COG5: variants seen among roughly 807,000 people sequenced by gnomAD.
COG5 encodes component of oligomeric golgi complex 5.
COG5 carries 86 observed loss-of-function variants against 110.4 expected under a neutral mutation model. The observed-to-expected ratio is 0.78, with a 90% CI of 0.65 to 0.93. COG5 has a LOEUF of 0.93. COG5 is among the 40% of genes least tolerant of loss of function. The probability of loss-of-function intolerance (pLI) is 0.00; values close to 1 mark genes in which losing one functional copy is unlikely to be tolerated. For synonymous variants in COG5, 360 were observed against 334.6 expected, an observed-to-expected ratio of 1.08 and a Z score of -0.83; for missense variants, 1,077 against 987.0, an observed-to-expected ratio of 1.09 and a Z score of -1.22.
intron 10 of COG5, among the ~76,000 whole-genome samples, chr7:107,330,649 G>A (rs932510671): frequency 6.6e-6 from 1 of 152,068 alleles, no homozygotes; most frequent in East Asian, 1.9e-4. Context: ...AAAAGAGTAT[G>A]GGTTTTGAAG....
At chr7:107,563,580 A>G in intron 1 of COG5, 1 of 535,860 alleles carries the variant, frequency 1.9e-6, no homozygotes, top group Admixed American at 2.9e-5. Flanking sequence ...TGAGGAACAC[A>G]CAGAAACCAA....
intron 10 of COG5, among the ~76,000 whole-genome samples, chr7:107,335,160 T>C (rs1810599371): frequency 6.6e-6 from 1 of 152,178 alleles, no homozygotes; most frequent in African/African-American, 2.4e-5. Context: ...TCATCTAAGT[T>C]GTCATCTCTT....
intron 5 of COG5, among the ~76,000 whole-genome samples, 196 bp from the exon 6 acceptor site, chr7:107,527,553 T>C (rs920220987): frequency 6.6e-6 from 1 of 152,194 alleles, no homozygotes; most frequent in African/African-American, 2.4e-5. Context: ...GTGCTTAATA[T>C]GTGAATCTAC....
chr7:107,392,568 C>T (rs1300254153), intron 7 of COG5, among the ~76,000 whole-genome samples: 1 of 150,904 alleles, frequency 6.6e-6, no homozygotes, highest in Non-Finnish European at 1.5e-5. Flanking sequence ...TAAAATAAAG[C>T]TTAAAAGGAA....
At chr7:107,437,512 G>C (rs1286270915) in intron 6 of COG5, among the ~76,000 whole-genome samples, 7 of 152,132 alleles carry the variant, frequency 4.6e-5, no homozygotes, top group Non-Finnish European at 1.0e-4. Flanking sequence ...TTATCGAATA[G>C]CCACTGTGTG....
chr7:107,339,127 A>T (rs1224013154), intron 10 of COG5, among the ~76,000 whole-genome samples: 1 of 152,170 alleles, frequency 6.6e-6, no homozygotes, highest in East Asian at 1.9e-4. Context: ...TATCTTCAAG[A>T]GACTGATCTC....
intron 10 of COG5, among the ~76,000 whole-genome samples, chr7:107,339,876 A>G (rs986266076): frequency 6.6e-6 from 1 of 152,106 alleles, no homozygotes; most frequent in Non-Finnish European, 1.5e-5. Context: ...TGTTAAGAGG[A>G]AAGTTTTAAG....
intron 14 of COG5, among the ~76,000 whole-genome samples, chr7:107,276,509 A>G (rs1233836897): frequency 2.6e-5 from 4 of 152,140 alleles, no homozygotes; most frequent in African/African-American, 9.7e-5. Context: ...CCATCGCTAC[A>G]AAAAATAAGA....
At chr7:107,224,056 T>C (rs767581851) in intron 19 of COG5, among the ~76,000 whole-genome samples, 6 of 152,248 alleles carry the variant, frequency 3.9e-5, no homozygotes, top group African/African-American at 7.2e-5. Context: ...AAGTCCAAGA[T>C]GGTGGTTGCC....
At chr7:107,443,922 A>T (rs535461556) in intron 6 of COG5, among the ~76,000 whole-genome samples, 1 of 152,198 alleles carries the variant, frequency 6.6e-6, no homozygotes, top group South Asian at 2.1e-4. Flanking sequence ...CAGGGAAAGC[A>T]CTGGACTGAT....
chr7:107,229,447 C>T (rs566303564), intron 19 of COG5, among the ~76,000 whole-genome samples: 27 of 152,118 alleles, frequency 1.8e-4, no homozygotes, highest in Non-Finnish European at 3.2e-4. Flanking sequence ...GACTCCATCT[C>T]AAAAAACAAA....
rs1562955823 is a variant in COG5 at position 107,295,096 on chromosome 7, TA to T, written c.1313+3045del. 4.0e-3 allele frequency among the ~76,000 whole-genome samples: 293 copies of T among 73,076 alleles called. 1 individual carries two copies. The highest frequency in any genetic ancestry group is 5.2e-3 in the Non-Finnish European group (202 of 39,014). 47.9% of individuals were successfully genotyped at this position (73,076 alleles called of 152,430 possible). On this transcript the variant is annotated intron_variant, in intron 12 of 21. Coordinates refer to ENST00000297135, the MANE Select transcript of COG5 (RefSeq NM_006348.5). ...ATATATATATATATATATATATATA[TA>T]TATATTTTTTTTTTTTTTTTGTAGA...
chr7:107,245,242 T>G (rs559684380), intron 17 of COG5, among the ~76,000 whole-genome samples: 1 of 152,116 alleles, frequency 6.6e-6, no homozygotes, highest in African/African-American at 2.4e-5. Context: ...CCATGACAAA[T>G]CCACAGCCAA....
intron 12 of COG5, among the ~76,000 whole-genome samples, chr7:107,287,380 C>T (rs868607643): frequency 1.1e-4 from 16 of 152,140 alleles, no homozygotes; most frequent in African/African-American, 2.9e-4. Flanking sequence ...TCAGGCAAAT[C>T]ATGTGTGACA....
intron 6 of COG5, among the ~76,000 whole-genome samples, chr7:107,514,199 T>C (rs1375573635): frequency 6.6e-6 from 1 of 152,164 alleles, no homozygotes; most frequent in Middle Eastern, 3.4e-3. Flanking sequence ...ATCCAATTGC[T>C]TGATTATACT....
intron 11 of COG5, among the ~76,000 whole-genome samples, chr7:107,305,235 GA>G (rs1438871641): frequency 3.3e-5 from 5 of 152,318 alleles, no homozygotes; most frequent in African/African-American, 9.6e-5. Flanking sequence ...TATTTTAAGA[GA>G]ACTGCCTGTT....
At chr7:107,225,062 A>G (rs1028426031) in intron 19 of COG5, among the ~76,000 whole-genome samples, 5 of 152,198 alleles carry the variant, frequency 3.3e-5, no homozygotes, top group African/African-American at 1.2e-4. Flanking sequence ...GGGCGTGTGC[A>G]TGTGTGTACA....
At chr7:107,267,094 T>C (rs945474142) in intron 14 of COG5, among the ~76,000 whole-genome samples, 1 of 152,156 alleles carries the variant, frequency 6.6e-6, no homozygotes, top group Non-Finnish European at 1.5e-5. Context: ...AAATCATGTC[T>C]TGTTTATGCA....
intron 11 of COG5, among the ~76,000 whole-genome samples, chr7:107,304,065 G>T (rs1584649293): frequency 6.6e-6 from 1 of 151,990 alleles, no homozygotes; most frequent in Non-Finnish European, 1.5e-5. Context: ...TCTATGTATT[G>T]TACTCCTACC....
Sources: gnomAD v4.1 joint callset for allele counts (sites outside exome capture counted in the v4.1 genomes callset) on GRCh38, gnomAD v4.1.1 for gene constraint, MANE v1.5 for transcripts, NCBI Gene and HGNC (gene_info 2026-07-23, HGNC 2026-07-21) for gene names.